The following RALA variants were observed in gnomAD, a reference collection of about 807,000 sequenced individuals.
RALA encodes the protein ras-related protein Ral-A.
RALA carries 5 observed loss-of-function variants against 24.0 expected under a neutral mutation model. The ratio of observed to expected loss-of-function variants is 0.21; its 90% CI spans 0.11 to 0.44. The LOEUF (loss-of-function observed/expected upper bound fraction) is 0.44. Ranked by LOEUF, RALA falls within the 20% of genes least tolerant of loss-of-function variation. The pLI, the probability that RALA is intolerant of heterozygous loss-of-function variation, is 0.99. For missense variants in RALA, 95 were observed against 241.2 expected (o/e 0.39, Z 4.01); for synonymous variants, 77 against 83.8 (o/e 0.92, Z 0.44).
At chr7:39,664,262 TGAAAG>T (rs1175404104) in intron 1 of RALA, among the ~76,000 whole-genome samples, 10 of 152,148 alleles carry the variant, frequency 6.6e-5, no homozygotes, top group East Asian at 1.9e-4. Context: ...CCCCAAGTCT[TGAAAG>T]GAAGAGATAA....
At chr7:39,626,359 T>C (rs1791486008) in intron 1 of RALA, among the ~76,000 whole-genome samples, 1 of 152,224 alleles carries the variant, frequency 6.6e-6, no homozygotes, top group South Asian at 2.1e-4. Flanking sequence ...ACCTAGCTTG[T>C]GTTTAGTAGA....
chr7:39,655,895 A>G (rs762361409), intron 1 of RALA, among the ~76,000 whole-genome samples: 8 of 152,236 alleles, frequency 5.3e-5, no homozygotes. Context: ...GTAAAAAAAG[A>G]AATGCGCAGG....
At chr7:39,668,977 G>A (rs1193463221) in intron 1 of RALA, among the ~76,000 whole-genome samples, 4 of 151,920 alleles carry the variant, frequency 2.6e-5, no homozygotes, top group Non-Finnish European at 5.9e-5. Flanking sequence ...AGCTGGGCAT[G>A]GTGGCGGTTG....
chr7:39,700,172 T>C (rs1461340970), intron 4 of RALA, among the ~76,000 whole-genome samples: 2 of 152,202 alleles, frequency 1.3e-5, no homozygotes, highest in Non-Finnish European at 2.9e-5. Flanking sequence ...TTACTATGGC[T>C]GTATAACAAA....
chr7:39,685,576 G>A (rs950415982), intron 1 of RALA, among the ~76,000 whole-genome samples: 5 of 151,918 alleles, frequency 3.3e-5, no homozygotes, highest in Admixed American at 6.6e-5. Flanking sequence ...CAGCATGGCC[G>A]AAGGTCACTA....
intron 1 of RALA, among the ~76,000 whole-genome samples, chr7:39,674,267 T>C (rs969955081): frequency 6.6e-6 from 1 of 152,126 alleles, no homozygotes; most frequent in East Asian, 1.9e-4. Flanking sequence ...TAAGACAGTT[T>C]CCATGTGATT....
chr7:39,683,340 T>C (rs1583746503), intron 1 of RALA, among the ~76,000 whole-genome samples: 1 of 152,314 alleles, frequency 6.6e-6, no homozygotes. Flanking sequence ...TCTGGAGCGC[T>C]CTTCCCTCAG....
chr7:39,702,506 A>G (rs868132702), intron 4 of RALA, among the ~76,000 whole-genome samples: 1 of 152,226 alleles, frequency 6.6e-6, no homozygotes, highest in Non-Finnish European at 1.5e-5. Flanking sequence ...TTTTAAAACC[A>G]CAAAGTATTC....
intron 1 of RALA, chr7:39,624,531 C>T (rs1327518409): frequency 6.6e-6 from 1 of 152,136 alleles, no homozygotes; most frequent in South Asian, 2.1e-4. Context: ...ATGTGATTGG[C>T]ATGCTTTAGC....
chr7:39,650,867 C>T (rs1165658593), intron 1 of RALA, among the ~76,000 whole-genome samples: 2 of 152,128 alleles, frequency 1.3e-5, no homozygotes, highest in African/African-American at 2.4e-5. Context: ...GAGTCGGCTT[C>T]GTATCTTATT....
chr7:39,628,059 A>G (rs928808985), intron 1 of RALA, among the ~76,000 whole-genome samples: 1 of 151,098 alleles, frequency 6.6e-6, no homozygotes, highest in Non-Finnish European at 1.5e-5. Flanking sequence ...AGCTTCTGGA[A>G]TGCTAGTGTT....
intron 4 of RALA, among the ~76,000 whole-genome samples, chr7:39,704,226 A>G (rs1444800982): frequency 2.0e-5 from 3 of 149,722 alleles, no homozygotes; most frequent in Non-Finnish European, 4.4e-5. Flanking sequence ...TTTTGTTTCT[A>G]TTTTTATCCT....
chr7:39,672,799 G>A (rs1471115296), intron 1 of RALA, among the ~76,000 whole-genome samples: 3 of 152,152 alleles, frequency 2.0e-5, no homozygotes, highest in East Asian at 3.8e-4. Flanking sequence ...CCTATCAGTG[G>A]CTGCCAGGGT....
At chr7:39,660,901 G>A (rs968702725) in intron 1 of RALA, among the ~76,000 whole-genome samples, 12 of 152,082 alleles carry the variant, frequency 7.9e-5, no homozygotes, top group Non-Finnish European at 1.6e-4. Flanking sequence ...TACTATATTA[G>A]TCTGTTTTCA....
chr7:39,649,509 C>G (rs1791985024), intron 1 of RALA, among the ~76,000 whole-genome samples: 1 of 152,082 alleles, frequency 6.6e-6, no homozygotes, highest in East Asian at 1.9e-4. Flanking sequence ...CTAGCTAGGC[C>G]CTTTTTTGCT....
intron 1 of RALA, among the ~76,000 whole-genome samples, chr7:39,627,971 A>G (rs1347411907): frequency 1.3e-5 from 2 of 151,728 alleles, no homozygotes; most frequent in African/African-American, 4.8e-5. Context: ...TTTATCTTTC[A>G]TATTTTTCAT....
At position 39,631,016 on chromosome 7, in the gene RALA, T is replaced by TG. The variant is rs1240470689; in HGVS notation, c.-38+7191_-38+7192insG. ...ATTGCTGGTTTTTTGTTTTTGTTTTTTTTTTTTTTGAGACAGAGTTTCACT... is the reference window on the plus strand; with the variant it reads ...ATTGCTGGTTTTTTGTTTTTGTTTTTGTTTTTTTTTGAGACAGAGTTTCACT... On this transcript the variant is annotated intron_variant, in intron 1 of 4. Coordinates refer to ENST00000005257, the MANE Select transcript of RALA (RefSeq NM_005402.4). 3.3e-4 allele frequency among the ~76,000 whole-genome samples: 50 copies of TG among 151,784 alleles called. 1 individual carries two copies. Among genetic ancestry groups the TG allele is most frequent in the East Asian group, 9.6e-4 (5 of 5,188 alleles).
chr7:39,642,584 A>C (rs1057188657), intron 1 of RALA, among the ~76,000 whole-genome samples: 3 of 152,190 alleles, frequency 2.0e-5, no homozygotes, highest in African/African-American at 7.2e-5. Flanking sequence ...CACTCTTTAC[A>C]AAAATCCCCT....
chr7:39,668,593 GTTGAGACCAGC>G (rs1415510199), intron 1 of RALA, among the ~76,000 whole-genome samples: 1 of 152,004 alleles, frequency 6.6e-6, no homozygotes, highest in African/African-American at 2.4e-5. Context: ...GAGATCGGGA[GTTGAGACCAGC>G]TTGACCAACG....
Sources: allele counts gnomAD v4.1 joint callset (sites outside exome capture counted in the v4.1 genomes callset), GRCh38; gene constraint gnomAD v4.1.1; transcripts MANE v1.5; gene names NCBI Gene and HGNC (gene_info 2026-07-23, HGNC 2026-07-21).